Variants in CLOCK observed in about 807,000 individuals in gnomAD.
CLOCK encodes clock circadian regulator.
CLOCK carries 43 observed loss-of-function variants against 118.4 expected under a neutral mutation model. The ratio of observed to expected loss-of-function variants is 0.36; its 90% CI spans 0.28 to 0.47. CLOCK has a LOEUF of 0.47. CLOCK is among the 20% of genes least tolerant of loss of function. The probability of loss-of-function intolerance (pLI) is 1.00; values close to 1 mark genes in which losing one functional copy is unlikely to be tolerated. For synonymous variants in CLOCK, 326 were observed against 339.2 expected (o/e 0.96, Z 0.43); for missense variants, 846 against 999.9 (o/e 0.85, Z 2.08).
At chr4:55,495,390 A>G (rs1727996877) in intron 2 of CLOCK, among the ~76,000 whole-genome samples, 1 of 152,034 alleles carries the variant, frequency 6.6e-6, no homozygotes, top group South Asian at 2.1e-4. Context: ...CCTTTCAAAC[A>G]ATGGCTTCTC....
Position 55,449,469 on chromosome 4 carries a change from G to C in CLOCK, c.1376C>G (p.Thr459Arg). The C allele has an allele frequency of 6.2e-7, 1 of 1,613,960 alleles. No homozygotes were observed. Among genetic ancestry groups the C allele is most frequent in the Non-Finnish European group, 8.5e-7 (1 of 1,179,916 alleles). Residue 459 changes from threonine (T) to arginine (R), a missense_variant, in exon 17 of 23, where the codon ACG (threonine) becomes AGG (arginine). Coordinates refer to ENST00000513440, the MANE Select transcript of CLOCK (RefSeq NM_004898.4). Reference sequence around the variant, plus strand: ...TAAATGCTGCCTGGGTGGAGTGCTCGTATCCGTCGGGATCTTGGTTGGTGT... The same window carrying C: ...TAAATGCTGCCTGGGTGGAGTGCTCCTATCCGTCGGGATCTTGGTTGGTGT... ...SSTPTKIPTD[T>R]STPPRQHLPA...
In CLOCK at chr4:55,448,623, T is replaced by C. The variant is rs1288552963; in HGVS notation, c.1539+156A>G. On this transcript the variant is annotated intron_variant, in intron 18 of 22. Transcript: ENST00000513440. ...GCGCGTGTGTGTGTGTGTGTGTGTG[T>C]GTGTGTGTGTGTGTGTGTGTGCTCC... Among the ~76,000 whole-genome samples the C allele has an allele frequency of 5.9e-5, 9 of 151,658 alleles. 1 individual carries two copies. Among genetic ancestry groups the C allele is most frequent in the African/African-American group, 1.2e-4 (5 of 41,282 alleles).
At position 55,453,738 on chromosome 4, in the gene CLOCK, T is replaced by C. The variant is rs1299258060; in HGVS notation, c.1069A>G (p.Ile357Val). Residue 357 changes from isoleucine (I) to valine (V), a missense_variant, in exon 14 of 23, where the codon ATC becomes GTC. Around this residue, in one of 4 missense-constraint regions of CLOCK, gnomAD observed 66 missense variants for 99.4 expected, o/e 0.66. Transcript: ENST00000513440. ...CTTGAATTCCACTGATGGTAAGTGA[T>C]ATAATAATGAGTCTGAAGCCAAATC... ...QWIWLQTHYYITYHQWNSRPE... is the reference protein window; with the variant it reads ...QWIWLQTHYYVTYHQWNSRPE... 2 of 1,610,922 alleles carry C rather than the reference T, an allele frequency of 1.2e-6. No homozygotes were observed. Among genetic ancestry groups the C allele is most frequent in the Admixed American group, 1.7e-5 (1 of 59,972 alleles).
intron 7 of CLOCK, among the ~76,000 whole-genome samples, chr4:55,475,451 G>T (rs1726443630): frequency 6.6e-6 from 1 of 152,220 alleles, no homozygotes; most frequent in African/African-American, 2.4e-5. Context: ...CAGCAGCAGG[G>T]TTTGAGAGTA....
chr4:55,512,387 G>C (rs1729217432), intron 1 of CLOCK, among the ~76,000 whole-genome samples: 1 of 131,604 alleles, frequency 7.6e-6, no homozygotes, highest in African/African-American at 2.5e-5. Context: ...TCTTTGGTAA[G>C]GTTATCTGTC....
At chr4:55,516,758 C>T (rs1729540813) in intron 1 of CLOCK, among the ~76,000 whole-genome samples, 1 of 152,110 alleles carries the variant, frequency 6.6e-6, no homozygotes, top group Admixed American at 6.6e-5. Context: ...TTCTTTATTC[C>T]TATTTTAGTC....
Position 55,470,813 on chromosome 4 carries a change from T to C in CLOCK, c.349-7A>G. 6.3e-7 allele frequency: 1 copy of C among 1,580,272 alleles called. No homozygotes were observed. Among genetic ancestry groups the C allele is most frequent in the Non-Finnish European group, 8.7e-7 (1 of 1,151,030 alleles). On this transcript the variant is annotated splice_region_variant and splice_polypyrimidine_tract_variant and intron_variant, in intron 7 of 22. Transcript: ENST00000513440. ...AAAAAAAACCATCAAGAGCCTGAAA[T>C]TAAACATAATGATATGTTAAATGAA...
intron 2 of CLOCK, among the ~76,000 whole-genome samples, chr4:55,496,809 T>A (rs546976644): frequency 6.6e-6 from 1 of 152,288 alleles, no homozygotes; most frequent in South Asian, 2.1e-4. Flanking sequence ...CACGTCACCA[T>A]TCCTAGATAG....
rs1443435096 is a variant in CLOCK, at chr4:55,478,974, G to GA, written c.108-12dup. 6.4e-7 allele frequency: 1 copy of GA among 1,569,548 alleles called. No individual in the cohort carries two copies. Among genetic ancestry groups the GA allele is most frequent in the Admixed American group, 1.8e-5 (1 of 55,954 alleles). The stretch of plus-strand genomic sequence containing the variant: ...TTGTTTCTAGATACTCTGATGAAAT[G>GA]AAAAATATGCATTTTTTAAACAATC... On this transcript the variant is annotated splice_polypyrimidine_tract_variant and intron_variant, in intron 5 of 22. Transcript: ENST00000513440.
At chr4:55,469,802 G>C (rs981554614) in intron 8 of CLOCK, among the ~76,000 whole-genome samples, 1 of 152,096 alleles carries the variant, frequency 6.6e-6, no homozygotes, top group Non-Finnish European at 1.5e-5. Flanking sequence ...TGGCCTCCTA[G>C]GCTCAATGCA....
intron 1 of CLOCK, among the ~76,000 whole-genome samples, chr4:55,520,344 A>G (rs1420525614): frequency 6.6e-6 from 1 of 152,198 alleles, no homozygotes; most frequent in African/African-American, 2.4e-5. Flanking sequence ...TACAGATGAA[A>G]GCTTTAGAAT....
intron 18 of CLOCK, among the ~76,000 whole-genome samples, chr4:55,448,118 A>T (rs1724033644): frequency 6.6e-6 from 1 of 152,184 alleles, no homozygotes; most frequent in Admixed American, 6.5e-5. Context: ...ATCTGCTTAC[A>T]TATCAACTTA....
intron 1 of CLOCK, among the ~76,000 whole-genome samples, chr4:55,537,737 T>C (rs1730996828): frequency 6.6e-6 from 1 of 152,132 alleles, no homozygotes; most frequent in Non-Finnish European, 1.5e-5. Flanking sequence ...AAGGCTGCAA[T>C]GGGCCATGAT....
At chr4:55,495,541 A>C (rs1295773032) in intron 2 of CLOCK, among the ~76,000 whole-genome samples, 2 of 152,136 alleles carry the variant, frequency 1.3e-5, no homozygotes, top group Admixed American at 6.5e-5. Context: ...CTCTCATGCC[A>C]CCAGACTACA....
chr4:55,462,026 T>A (rs568356666), intron 9 of CLOCK, among the ~76,000 whole-genome samples: 93 of 152,332 alleles, frequency 6.1e-4, no homozygotes, highest in African/African-American at 2.1e-3. Flanking sequence ...TTGTGTTTAT[T>A]CTTTTGGCAT....
rs536603494 is a variant in CLOCK at position 55,430,758 on chromosome 4, C to T, written c.*4657G>A. The T allele has an allele frequency of 3.3e-5, 5 of 152,274 alleles. No homozygotes were observed. The East Asian group carries it at 9.7e-4, about 29-fold the overall frequency. 9.4% of individuals were successfully genotyped at this position (152,274 alleles called of 1,614,324 possible). ...ACTAGCAATCACTTTTAGATTAGTTCTGTACATCTACTCACACGGATGCAA... is the reference window on the plus strand; with the variant it reads ...ACTAGCAATCACTTTTAGATTAGTTTTGTACATCTACTCACACGGATGCAA... On this transcript the variant is annotated 3_prime_UTR_variant, in exon 23 of 23. Transcript: ENST00000513440.
chr4:55,471,227 T>TA (rs1459770961), intron 7 of CLOCK, among the ~76,000 whole-genome samples: 1 of 152,196 alleles, frequency 6.6e-6, no homozygotes, highest in Non-Finnish European at 1.5e-5. Flanking sequence ...GAGGTGTACA[T>TA]CTGAAGTTTA....
chr4:55,510,090 A>T (rs1271423308), intron 1 of CLOCK, 25 bp from the exon 2 acceptor site: 1 of 152,230 alleles, frequency 6.6e-6, no homozygotes, highest in Admixed American at 6.5e-5. Flanking sequence ...TACTTACTGA[A>T]ATAATGCTAA....
intron 1 of CLOCK, among the ~76,000 whole-genome samples, chr4:55,528,413 TC>T (rs1042292348): frequency 1.2e-4 from 18 of 151,768 alleles, no homozygotes; most frequent in African/African-American, 4.1e-4. Context: ...ATTTCCTTCA[TC>T]CCCCCCTCAC....
Sources: gnomAD v4.1 joint callset for allele counts (sites outside exome capture counted in the v4.1 genomes callset) on GRCh38, gnomAD v4.1.1 for gene constraint, gnomAD v4.1.1 regional missense constraint, MANE v1.5 for transcripts, NCBI Gene and HGNC (gene_info 2026-07-23, HGNC 2026-07-21) for gene names.